The following TRPM3 variants were observed in gnomAD, a reference collection of about 807,000 sequenced individuals.
TRPM3 encodes transient receptor potential cation channel subfamily M member 3, also known as long transient receptor potential channel 3.
TRPM3 carries 77 observed loss-of-function variants against 181.2 expected under a neutral mutation model. The ratio of observed to expected loss-of-function variants is 0.42; its 90% CI spans 0.35 to 0.51. TRPM3 has a LOEUF of 0.51. Among genes scored for constraint, TRPM3 ranks in the 20% least tolerant of loss-of-function variants. The pLI, the probability that TRPM3 is intolerant of heterozygous loss-of-function variation, is 0.01. For synonymous variants in TRPM3, 745 were observed against 796.4 expected (o/e 0.94, Z 1.09); for missense variants, 1,759 against 2,196.7 (o/e 0.80, Z 3.98).
chr9:71,198,786 G>A (rs972871378), intron 1 of TRPM3, among the ~76,000 whole-genome samples: 1 of 148,748 alleles, frequency 6.7e-6, no homozygotes, highest in African/African-American at 2.5e-5. Flanking sequence ...AGACGATGGG[G>A]TTTTCTAGAT....
At chr9:70,941,578 T>G (rs1821862393) in intron 1 of TRPM3, among the ~76,000 whole-genome samples, 1 of 152,218 alleles carries the variant, frequency 6.6e-6, no homozygotes, top group African/African-American at 2.4e-5. Context: ...TCTATCCTAT[T>G]AGTTCTGTCC....
intron 22 of TRPM3, among the ~76,000 whole-genome samples, chr9:70,556,441 G>C (rs1246896410): frequency 6.6e-6 from 1 of 152,042 alleles, no homozygotes; most frequent in East Asian, 1.9e-4. Flanking sequence ...CCCGACTCTG[G>C]CTGAGTGCAG....
At chr9:71,038,801 G>C (rs887158088) in intron 1 of TRPM3, among the ~76,000 whole-genome samples, 1 of 152,028 alleles carries the variant, frequency 6.6e-6, no homozygotes, top group African/African-American at 2.4e-5. Context: ...CTGAAGGATG[G>C]GTAGGAGATA....
intron 1 of TRPM3, among the ~76,000 whole-genome samples, chr9:71,247,714 G>A (rs1261205159): frequency 6.6e-6 from 1 of 152,160 alleles, no homozygotes; most frequent in East Asian, 1.9e-4. Flanking sequence ...GGCAAGGGAA[G>A]AGCTCCCGTG....
At chr9:70,739,416 C>T (rs1564075556) in intron 8 of TRPM3, among the ~76,000 whole-genome samples, 1 of 152,050 alleles carries the variant, frequency 6.6e-6, no homozygotes, top group Non-Finnish European at 1.5e-5. Flanking sequence ...AAGTATTTGA[C>T]AAAATCCAGC....
At chr9:71,072,441 T>A (rs1026316913) in intron 1 of TRPM3, among the ~76,000 whole-genome samples, 1 of 152,128 alleles carries the variant, frequency 6.6e-6, no homozygotes, top group African/African-American at 2.4e-5. Context: ...GATCTCCCAT[T>A]TAAATCACCT....
Position 70,533,049 on chromosome 9 carries a change from T to G in TRPM3, c.*2904A>C, listed in dbSNP as rs1200006549. ...AGTTTGGCTTATATATTTCACACGT[T>G]TCACAGACGTTAGAACTTAATTTTC... On this transcript the variant is annotated 3_prime_UTR_variant, in exon 26 of 26. Coordinates refer to ENST00000677713, the MANE Select transcript of TRPM3 (RefSeq NM_001366145.2). The G allele has an allele frequency of 6.6e-6, 1 of 152,232 alleles. No homozygotes were observed. Among genetic ancestry groups the G allele is most frequent in the Non-Finnish European group, 1.5e-5 (1 of 68,044 alleles). 9.4% of individuals were successfully genotyped at this position (152,232 alleles called of 1,614,324 possible).
intron 1 of TRPM3, among the ~76,000 whole-genome samples, chr9:71,011,455 AAAAT>A (rs1029263580): frequency 8.5e-4 from 129 of 152,260 alleles, no homozygotes; most frequent in African/African-American, 2.9e-3. Context: ...TTTAAATTAT[AAAAT>A]AAATAAAAGA....
At chr9:70,669,225 A>T (rs932946434) in intron 9 of TRPM3, among the ~76,000 whole-genome samples, 5 of 152,224 alleles carry the variant, frequency 3.3e-5, no homozygotes, top group African/African-American at 1.2e-4. Context: ...TTCAAACATC[A>T]GCAGACACCT....
chr9:71,046,796 T>C (rs2059491515), intron 1 of TRPM3, among the ~76,000 whole-genome samples: 1 of 152,190 alleles, frequency 6.6e-6, no homozygotes, highest in South Asian at 2.1e-4. Context: ...ACATATTGAA[T>C]AGGTATTTGT....
chr9:70,586,898 T>A (rs1484680342), intron 22 of TRPM3, among the ~76,000 whole-genome samples: 1 of 152,044 alleles, frequency 6.6e-6, no homozygotes, highest in Non-Finnish European at 1.5e-5. Flanking sequence ...GGCAGAAAAA[T>A]AATTCAGGAA....
At chr9:70,636,550 T>C (rs2133496758) in intron 11 of TRPM3, among the ~76,000 whole-genome samples, 1 of 152,316 alleles carries the variant, frequency 6.6e-6, no homozygotes, top group East Asian at 1.9e-4. Flanking sequence ...CAATGTACAA[T>C]TTTAATCTAA....
At chr9:71,331,483 A>G (rs930187883) in intron 1 of TRPM3, among the ~76,000 whole-genome samples, 3 of 151,844 alleles carry the variant, frequency 2.0e-5, no homozygotes, top group Non-Finnish European at 4.4e-5. Flanking sequence ...TATATGACTT[A>G]TATTCTATGT....
chr9:70,563,444 C>T (rs756515314), intron 22 of TRPM3, among the ~76,000 whole-genome samples: 5 of 152,354 alleles, frequency 3.3e-5, no homozygotes, highest in Non-Finnish European at 5.9e-5. Context: ...GGTAGCCCTA[C>T]GTCCTTCAGG....
At chr9:70,752,699 C>A (rs1388815352) in intron 8 of TRPM3, among the ~76,000 whole-genome samples, 1 of 152,112 alleles carries the variant, frequency 6.6e-6, no homozygotes, top group African/African-American at 2.4e-5. Context: ...CATTGTGTTA[C>A]AGTTGCCTAC....
chr9:71,154,717 T>C (rs2075898822), intron 1 of TRPM3, among the ~76,000 whole-genome samples: 3 of 152,174 alleles, frequency 2.0e-5, no homozygotes, highest in Admixed American at 6.5e-5. Flanking sequence ...AAACCTTTCT[T>C]ATGAAATAAT....
chr9:70,601,115 A>G (rs1461838625), intron 20 of TRPM3, among the ~76,000 whole-genome samples: 1 of 152,098 alleles, frequency 6.6e-6, no homozygotes, highest in Non-Finnish European at 1.5e-5. Context: ...TGTCCTTTCT[A>G]GCTGTGGGAT....
intron 7 of TRPM3, among the ~76,000 whole-genome samples, chr9:70,769,938 G>T (rs12338666): frequency 0.047 from 7,181 of 152,276 alleles, 197 homozygotes; most frequent in Non-Finnish European, 0.057. Context: ...ATGCCTCTTT[G>T]TCCTCATGGT....
intron 1 of TRPM3, among the ~76,000 whole-genome samples, chr9:71,106,960 T>C (rs1296630997): frequency 6.6e-6 from 1 of 152,132 alleles, no homozygotes; most frequent in Non-Finnish European, 1.5e-5. Context: ...CCACATTTAA[T>C]GACTAATGAA....
Sources: allele counts gnomAD v4.1 joint callset (sites outside exome capture counted in the v4.1 genomes callset), GRCh38; gene constraint gnomAD v4.1.1; transcripts MANE v1.5; gene names NCBI Gene and HGNC (gene_info 2026-07-23, HGNC 2026-07-21).